The following SPDYE12 variants were observed in gnomAD, a reference collection of about 807,000 sequenced individuals.
The protein encoded by SPDYE12 is speedy/RINGO cell cycle regulator family member E12, also known as speedy protein E12.
chr7:74,904,896 T>C, the SPDYE12 span, among the ~76,000 whole-genome samples: 1 of 149,158 alleles, frequency 6.7e-6, no homozygotes, highest in Non-Finnish European at 1.5e-5. Context: ...AAATAGATAG[T>C]ATATATTAGA....
chr7:74,909,383 G>T, the SPDYE12 span: 1 of 1,435,572 alleles, frequency 7.0e-7, no homozygotes, highest in Non-Finnish European at 9.7e-7. Context: ...AACAGTCTAA[G>T]ATACTATAAT....
the SPDYE12 span, among the ~76,000 whole-genome samples, chr7:74,908,201 T>TGG: frequency 8.1e-6 from 1 of 123,638 alleles, no homozygotes; most frequent in African/African-American, 2.8e-5. Context: ...CAAAGTCAAG[T>TGG]GGAGGGCATT....
the SPDYE12 span, among the ~76,000 whole-genome samples, chr7:74,907,562 T>C: frequency 1.3e-5 from 2 of 150,530 alleles, 1 homozygote; most frequent in Admixed American, 1.3e-4. Context: ...AGAAACCCCA[T>C]CTATACTAAA....
chr7:74,912,764 T>TTTC, the SPDYE12 span, among the ~76,000 whole-genome samples: 649 of 69,708 alleles, frequency 9.3e-3, no homozygotes, highest in Non-Finnish European at 0.012. Flanking sequence ...CCTTCTTTTT[T>TTTC]TTCTTCTTTT....
chr7:74,910,644 G>A, the SPDYE12 span, among the ~76,000 whole-genome samples: 7 of 151,332 alleles, frequency 4.6e-5, no homozygotes, highest in South Asian at 2.1e-4. Flanking sequence ...AGTCAAGATC[G>A]AGACACTGCC....
the SPDYE12 span, among the ~76,000 whole-genome samples, chr7:74,909,049 TTG>T: frequency 1.4e-5 from 2 of 142,328 alleles, no homozygotes; most frequent in African/African-American, 5.4e-5. Context: ...TTTTTTTTTT[TTG>T]GCTTTTTTTT....
At chr7:74,908,390 C>G in the SPDYE12 span, among the ~76,000 whole-genome samples, 3 of 105,246 alleles carry the variant, frequency 2.9e-5, no homozygotes, top group Admixed American at 3.3e-4. Flanking sequence ...GATGTTCAGG[C>G]TGCACTAGGA....
chr7:74,908,903 G>T, the SPDYE12 span, among the ~76,000 whole-genome samples: 11 of 149,374 alleles, frequency 7.4e-5, no homozygotes, highest in African/African-American at 2.7e-4. Flanking sequence ...GGATGGTCTT[G>T]CTCTCCTGAC....
chr7:74,908,188 A>G, the SPDYE12 span, among the ~76,000 whole-genome samples: 2 of 126,208 alleles, frequency 1.6e-5, no homozygotes, highest in Admixed American at 9.0e-5. Flanking sequence ...GAAAACACAA[A>G]TGCAAAGTCA....
the SPDYE12 span, among the ~76,000 whole-genome samples, chr7:74,912,689 AC>A: frequency 2.4e-5 from 1 of 40,914 alleles, no homozygotes; most frequent in Non-Finnish European, 4.0e-5. Flanking sequence ...GAGCCACTGC[AC>A]CCAGCCTGAA....
chr7:74,908,598 C>G, the SPDYE12 span, among the ~76,000 whole-genome samples: 2 of 142,918 alleles, frequency 1.4e-5, no homozygotes, highest in African/African-American at 5.2e-5. Context: ...AGTGTCATGT[C>G]CGCTCCTCCG....
At chr7:74,907,913 C>G in the SPDYE12 span, among the ~76,000 whole-genome samples, 5 of 147,140 alleles carry the variant, frequency 3.4e-5, no homozygotes, top group African/African-American at 1.2e-4. Context: ...CAGGGCAAGT[C>G]TGTCTCAAAA....
chr7:74,910,982 G>A, the SPDYE12 span: 39 of 941,670 alleles, frequency 4.1e-5, 6 homozygotes, highest in Admixed American at 6.6e-5. Context: ...TGTGCCTCCC[G>A]GGGGAAAGTC....
the SPDYE12 span, among the ~76,000 whole-genome samples, chr7:74,908,734 T>C: frequency 3.3e-5 from 4 of 120,332 alleles, no homozygotes; most frequent in East Asian, 3.0e-4. Flanking sequence ...AGTGCAGTGG[T>C]GCGATCTCGG....
the SPDYE12 span, among the ~76,000 whole-genome samples, chr7:74,908,112 G>A: frequency 6.8e-6 from 1 of 147,500 alleles, no homozygotes; most frequent in Non-Finnish European, 1.5e-5. Context: ...AGAGGCTGTG[G>A]GGTGAACCGA....
chr7:74,908,661 CTTTTTTTTTTTTTTTTTTTT>C, the SPDYE12 span, among the ~76,000 whole-genome samples: 2 of 58,602 alleles, frequency 3.4e-5, no homozygotes, highest in South Asian at 9.6e-4. Context: ...GTTTTTTGTT[CTTTTTTTTTTTTTTTTTTTT>C]TTTTTTTTTT....
chr7:74,909,782 T>G, the SPDYE12 span, among the ~76,000 whole-genome samples: 1 of 150,850 alleles, frequency 6.6e-6, no homozygotes, highest in South Asian at 2.1e-4. Flanking sequence ...GAAGGTCGGA[T>G]GCAAATCCGA....
chr7:74,907,015 G>T, the SPDYE12 span: 22 of 1,590,900 alleles, frequency 1.4e-5, 1 homozygote, highest in Non-Finnish European at 1.8e-5. Flanking sequence ...GGGTATATGA[G>T]AGCGGGTCTC....
the SPDYE12 span, among the ~76,000 whole-genome samples, chr7:74,914,916 T>G: frequency 9.5e-6 from 1 of 105,188 alleles, no homozygotes; most frequent in African/African-American, 2.9e-5. Flanking sequence ...AGAGCAAAAC[T>G]ACATCTCAAA....
Sources: allele counts gnomAD v4.1 joint callset (sites outside exome capture counted in the v4.1 genomes callset), GRCh38; gene constraint gnomAD v4.1.1; transcripts MANE v1.5; gene names NCBI Gene and HGNC (gene_info 2026-07-23, HGNC 2026-07-21).